Variants in NR3C2 observed in about 807,000 individuals in gnomAD.
The protein encoded by NR3C2 is nuclear receptor subfamily 3 group C member 2, also known as mineralocorticoid receptor.
A neutral mutation model predicts 86.4 loss-of-function variants in NR3C2; 15 were observed. The observed-to-expected ratio is 0.17, with a 90% CI of 0.12 to 0.27. NR3C2 has a LOEUF of 0.27. Ranked by LOEUF, NR3C2 falls within the 10% of genes least tolerant of loss-of-function variation. NR3C2 has a pLI of 1.00. For missense variants in NR3C2, 960 were observed against 1,195.6 expected (o/e 0.80, Z 2.91); for synonymous variants, 458 against 450.5 (o/e 1.02, Z -0.21).
At chr4:148,199,857 C>T (rs2149807110) in intron 3 of NR3C2, among the ~76,000 whole-genome samples, 1 of 152,184 alleles carries the variant, frequency 6.6e-6, no homozygotes, top group East Asian at 1.9e-4. Context: ...ATGTAACAAA[C>T]CTGTACATGT....
chr4:148,185,337 C>T (rs1310470194), intron 4 of NR3C2, among the ~76,000 whole-genome samples: 1 of 152,162 alleles, frequency 6.6e-6, no homozygotes, highest in Non-Finnish European at 1.5e-5. Context: ...GGTGTTGGTA[C>T]TTGGAGCACG....
chr4:148,173,944 G>A (rs1335756580), intron 4 of NR3C2, among the ~76,000 whole-genome samples: 33 of 152,176 alleles, frequency 2.2e-4, no homozygotes, highest in Admixed American at 2.2e-3. Context: ...GAGTGGCTCA[G>A]AACCTTTCAA....
chr4:148,325,290 A>T (rs139940699), intron 2 of NR3C2, among the ~76,000 whole-genome samples: 47 of 152,356 alleles, frequency 3.1e-4, no homozygotes, highest in African/African-American at 1.1e-3. Flanking sequence ...CATCTGCAAA[A>T]TGATGTCCTT....
At chr4:148,182,968 C>T (rs1296393500) in intron 4 of NR3C2, among the ~76,000 whole-genome samples, 1 of 152,202 alleles carries the variant, frequency 6.6e-6, no homozygotes, top group Non-Finnish European at 1.5e-5. Context: ...ATACCTCCCC[C>T]TCTGCCCCCA....
intron 2 of NR3C2, among the ~76,000 whole-genome samples, chr4:148,427,643 G>A (rs1376649688): frequency 6.6e-6 from 1 of 152,002 alleles, no homozygotes; most frequent in Non-Finnish European, 1.5e-5. Flanking sequence ...CCATAGAAAG[G>A]GGGGGTGTCC....
intron 6 of NR3C2, among the ~76,000 whole-genome samples, chr4:148,133,392 C>T (rs573366284): frequency 5.3e-5 from 8 of 152,126 alleles, no homozygotes; most frequent in South Asian, 2.1e-4. Flanking sequence ...TGGGTATAAA[C>T]GTAAAGACAC....
intron 2 of NR3C2, among the ~76,000 whole-genome samples, chr4:148,351,598 G>T (rs963178879): frequency 1.3e-5 from 2 of 152,174 alleles, no homozygotes; most frequent in African/African-American, 4.8e-5. Context: ...TCATGGCTTA[G>T]TAACAGCCTT....
At chr4:148,254,312 T>C (rs1739720307) in intron 3 of NR3C2, among the ~76,000 whole-genome samples, 1 of 152,204 alleles carries the variant, frequency 6.6e-6, no homozygotes, top group South Asian at 2.1e-4. Context: ...ATCTGCTCAT[T>C]TAACCTCACT....
At chr4:148,370,786 G>A (rs550809729) in intron 2 of NR3C2, among the ~76,000 whole-genome samples, 5 of 152,218 alleles carry the variant, frequency 3.3e-5, no homozygotes, top group East Asian at 3.9e-4. Flanking sequence ...CAAACGTAAC[G>A]TTCCTCTCAT....
intron 2 of NR3C2, among the ~76,000 whole-genome samples, chr4:148,284,028 C>T (rs961823206): frequency 2.6e-5 from 4 of 152,106 alleles, no homozygotes; most frequent in Non-Finnish European, 5.9e-5. Flanking sequence ...ATACCTTGTC[C>T]CACGGGAGAG....
At chr4:148,261,953 T>C (rs1258064856) in intron 2 of NR3C2, among the ~76,000 whole-genome samples, 14 of 152,222 alleles carry the variant, frequency 9.2e-5, no homozygotes, top group Admixed American at 9.2e-4. Context: ...AATAATGTTC[T>C]CCAAAGTTGT....
chr4:148,105,108 A>T (rs1375983682), intron 8 of NR3C2, among the ~76,000 whole-genome samples: 1 of 152,240 alleles, frequency 6.6e-6, no homozygotes, highest in Non-Finnish European at 1.5e-5. Context: ...TCCTGAGGGA[A>T]ATTACCAGGA....
chr4:148,133,555 AG>A (rs1398516448), intron 6 of NR3C2, among the ~76,000 whole-genome samples: 1 of 152,244 alleles, frequency 6.6e-6, no homozygotes. Context: ...GTTTGGGTAA[AG>A]GGTGACAGGA....
chr4:148,233,833 T>A (rs1738593172), intron 3 of NR3C2, among the ~76,000 whole-genome samples: 1 of 152,028 alleles, frequency 6.6e-6, no homozygotes. Context: ...CTGATCACTA[T>A]AACAGATATA....
chr4:148,325,493 A>G (rs968581352), intron 2 of NR3C2, among the ~76,000 whole-genome samples: 9 of 141,070 alleles, frequency 6.4e-5, no homozygotes, highest in African/African-American at 2.6e-4. Flanking sequence ...AATGGATGTA[A>G]GGCTAGCATG....
At chr4:148,180,858 T>C (rs1213637596) in intron 4 of NR3C2, among the ~76,000 whole-genome samples, 1 of 152,200 alleles carries the variant, frequency 6.6e-6, no homozygotes, top group African/African-American at 2.4e-5. Flanking sequence ...TGTGGTTCCA[T>C]TGTTATCAGT....
At chr4:148,181,394 T>C (rs1393909406) in intron 4 of NR3C2, among the ~76,000 whole-genome samples, 1 of 152,192 alleles carries the variant, frequency 6.6e-6, no homozygotes. Flanking sequence ...AAATTCCTTA[T>C]CTGTAAAATG....
At chr4:148,134,044 C>T (rs1317183218) in intron 6 of NR3C2, among the ~76,000 whole-genome samples, 1 of 152,154 alleles carries the variant, frequency 6.6e-6, no homozygotes, top group Non-Finnish European at 1.5e-5. Flanking sequence ...TTGGATGCCA[C>T]AATTCTGTAG....
chr4:148,090,147 C>T (rs1190576971), intron 8 of NR3C2, among the ~76,000 whole-genome samples: 1 of 152,068 alleles, frequency 6.6e-6, no homozygotes, highest in Non-Finnish European at 1.5e-5. Context: ...AGTCCCCGAG[C>T]ACCTGCTCTG....
Sources: allele counts gnomAD v4.1 joint callset (sites outside exome capture counted in the v4.1 genomes callset), GRCh38; gene constraint gnomAD v4.1.1; transcripts MANE v1.5; gene names NCBI Gene and HGNC (gene_info 2026-07-23, HGNC 2026-07-21).